HDAC4: variants seen among roughly 807,000 people sequenced by gnomAD.
HDAC4 encodes the protein histone deacetylase A.
In HDAC4, 16 loss-of-function variants were observed where a neutral mutation model predicts 135.1. The observed-to-expected ratio is 0.12, with a 90% CI of 0.08 to 0.18. The LOEUF is 0.18. Among genes scored for constraint, HDAC4 ranks in the 10% least tolerant of loss-of-function variants. The pLI is 1.00. For synonymous variants in HDAC4, 685 were observed against 653.4 expected, an observed-to-expected ratio of 1.05 and a Z score of -0.74; for missense variants, 1,143 against 1,511.8, an observed-to-expected ratio of 0.76 and a Z score of 4.05.
chr2:239,053,011 G>C lies in HDAC4; in HGVS notation c.*86C>G. On this transcript the variant is annotated 3_prime_UTR_variant, in exon 27 of 27. Transcript: ENST00000543185. ...GGTGCTCCAAGAGAGCCCCACGGTG[G>C]GACGCAGGCGTGACACGGGAAAGTT... 1 of 1,512,896 alleles carries C rather than the reference G, an allele frequency of 6.6e-7. No homozygotes were observed. Among genetic ancestry groups the C allele is most frequent in the South Asian group, 1.1e-5 (1 of 89,088 alleles). The allele number at this position is 1,512,896 out of a possible 1,614,324, so 93.7% of individuals were successfully genotyped here.
chr2:239,066,930 T>C (rs1013768025), intron 23 of HDAC4, 75 bp from the exon 24 acceptor site: 7 of 1,551,464 alleles, frequency 4.5e-6, no homozygotes, highest in Non-Finnish European at 6.1e-6. Flanking sequence ...ACGCGTCTCA[T>C]GGCATCGTAA....
intron 16 of HDAC4, among the ~76,000 whole-genome samples, chr2:239,095,497 G>C (rs2036935130): frequency 6.6e-6 from 1 of 152,150 alleles, no homozygotes; most frequent in African/African-American, 2.4e-5. Flanking sequence ...TGGCAAACAA[G>C]GGGCAAGTCC....
At chr2:239,332,764 A>C (rs1050623751) in intron 2 of HDAC4, among the ~76,000 whole-genome samples, 1 of 152,018 alleles carries the variant, frequency 6.6e-6, no homozygotes, top group Admixed American at 6.5e-5. Flanking sequence ...AATTTTAAAA[A>C]ATCAAGAAAA....
At chr2:239,092,988 C>T (rs1287315108) in intron 17 of HDAC4, among the ~76,000 whole-genome samples, 4 of 152,134 alleles carry the variant, frequency 2.6e-5, no homozygotes, top group African/African-American at 7.2e-5. Flanking sequence ...CCCATGGAGT[C>T]TAAAAGGGAC....
At chr2:239,092,709 A>T (rs2036628513) in intron 17 of HDAC4, among the ~76,000 whole-genome samples, 1 of 152,118 alleles carries the variant, frequency 6.6e-6, no homozygotes, top group South Asian at 2.1e-4. Context: ...GCTCCCAGGG[A>T]CCAGCCTGGA....
intron 1 of HDAC4, among the ~76,000 whole-genome samples, chr2:239,370,507 C>CG (rs1559389826): frequency 2.0e-5 from 3 of 152,234 alleles, no homozygotes; most frequent in African/African-American, 7.2e-5. Context: ...CTCCCTGCAG[C>CG]GCCCCCCTGA....
chr2:239,258,567 C>CCA (rs1354406600), intron 2 of HDAC4, among the ~76,000 whole-genome samples: 1 of 152,166 alleles, frequency 6.6e-6, no homozygotes, highest in Non-Finnish European at 1.5e-5. Context: ...AATCCTCTAA[C>CCA]CAGCACGGGC....
intron 1 of HDAC4, among the ~76,000 whole-genome samples, chr2:239,360,652 T>A (rs1693802176): frequency 6.6e-6 from 1 of 152,198 alleles, no homozygotes; most frequent in Non-Finnish European, 1.5e-5. Context: ...GAGCTCCACC[T>A]GGTCCCTTAG....
intron 1 of HDAC4, among the ~76,000 whole-genome samples, chr2:239,357,822 A>G (rs1385230094): frequency 6.8e-6 from 1 of 148,106 alleles, no homozygotes; most frequent in African/African-American, 2.5e-5. Context: ...CCGGGAGGTC[A>G]AGGCTGCAGT....
At chr2:239,345,719 CACCCTAACACACAT>C (rs1164851962) in intron 2 of HDAC4, among the ~76,000 whole-genome samples, 1 of 151,380 alleles carries the variant, frequency 6.6e-6, no homozygotes, top group Non-Finnish European at 1.5e-5. Context: ...CTAACACACA[CACCCTAACACACAT>C]ACACACCGTC....
Position 239,053,007 on chromosome 2 carries a change from G to A in HDAC4, c.*90C>T, listed in dbSNP as rs1285549386. ...CCTGGGTGCTCCAAGAGAGCCCCAC[G>A]GTGGGACGCAGGCGTGACACGGGAA... is the stretch of plus-strand genomic sequence containing the variant. On this transcript the variant is annotated 3_prime_UTR_variant, in exon 27 of 27. Coordinates refer to ENST00000543185, the MANE Select transcript of HDAC4 (RefSeq NM_001378414.1). 3.5e-5 allele frequency: 52 copies of A among 1,491,844 alleles called. No individual in the cohort carries two copies. Among genetic ancestry groups the A allele is most frequent in the Middle Eastern group, 1.7e-4 (1 of 5,856 alleles). 92.4% of individuals were successfully genotyped at this position (1,491,844 alleles called of 1,614,324 possible). A position where few individuals can be genotyped will look rare whatever the true frequency, so the allele number is the denominator to read the frequency against.
At chr2:239,075,851 T>C (rs1396399289) in intron 22 of HDAC4, among the ~76,000 whole-genome samples, 1 of 150,868 alleles carries the variant, frequency 6.6e-6, no homozygotes, top group Non-Finnish European at 1.5e-5. Context: ...CCACTCCCCT[T>C]GGTTTCCCGG....
At position 239,146,794 on chromosome 2, in the gene HDAC4, C is replaced by T. The variant is rs566763841; in HGVS notation, c.734-2080G>A. Among the ~76,000 whole-genome samples, 1 of 152,028 alleles carries T rather than the reference C, an allele frequency of 6.6e-6. No individual in the cohort carries two copies. The highest frequency in any genetic ancestry group is 2.1e-4 in the South Asian group (1 of 4,808). ...CCTGACCCCCCACAGCCCCACTGCCCCCATCACAGCCCCACTGCCCTGTCT... is the reference window on the plus strand; with the variant it reads ...CCTGACCCCCCACAGCCCCACTGCCTCCATCACAGCCCCACTGCCCTGTCT... On this transcript the variant is annotated intron_variant, in intron 7 of 26. Transcript: ENST00000543185. This position sits in a 1 kb window ranked among gnomAD's most constrained non-coding sequence, Gnocchi z 4.5.
rs1281699229 is a variant in HDAC4, at chr2:239,139,271, C to T, written c.978+413G>A. ...AAAAATGTTAAGTCTCACTTAGCAA[C>T]TATACCCACGTGCCCACGGCCTCTC... On this transcript the variant is annotated intron_variant, in intron 9 of 26. Coordinates refer to ENST00000543185, the MANE Select transcript of HDAC4 (RefSeq NM_001378414.1). The surrounding 1 kb of genome is among the most constrained non-coding windows in gnomAD (Gnocchi z 5.3). Among the ~76,000 whole-genome samples, 2 of 152,210 alleles carry T rather than the reference C, an allele frequency of 1.3e-5. No individual in the cohort carries two copies. The highest frequency in any genetic ancestry group is 4.8e-5 in the African/African-American group (2 of 41,454).
At position 239,139,708 on chromosome 2, in the gene HDAC4, G is replaced by T; in HGVS notation, c.954C>A (p.Pro318=). Residue 318 remains proline (P), a synonymous_variant, in exon 9 of 27, where the codon CCC becomes CCA. Coordinates refer to ENST00000543185, the MANE Select transcript of HDAC4 (RefSeq NM_001378414.1). This position sits in a 1 kb window ranked among gnomAD's most constrained non-coding sequence, Gnocchi z 5.3. The part of the protein sequence containing the change: ...GSVSAENGIA[P]AVPSIPAETS... The stretch of plus-strand genomic sequence containing the variant: ...CCTCCGCCGGGATGCTGGGGACGGC[G>T]GGCGCGATACCGTTCTCCGCGCTGA... 1 of 1,614,030 alleles carries T rather than the reference G, an allele frequency of 6.2e-7. No individual in the cohort carries two copies. Among genetic ancestry groups the T allele is most frequent in the Non-Finnish European group, 8.5e-7 (1 of 1,179,942 alleles).
intron 2 of HDAC4, among the ~76,000 whole-genome samples, chr2:239,283,293 T>C (rs1180096492): frequency 6.6e-6 from 1 of 152,206 alleles, no homozygotes; most frequent in African/African-American, 2.4e-5. Flanking sequence ...AAACTCTGCA[T>C]GACGCTGGGT....
chr2:239,268,477 TTCTC>T (rs1317417092), intron 2 of HDAC4, among the ~76,000 whole-genome samples: 1 of 152,240 alleles, frequency 6.6e-6, no homozygotes, highest in African/African-American at 2.4e-5. Flanking sequence ...GTAAACAAAT[TTCTC>T]TCTGAGTTCT....
intron 24 of HDAC4, among the ~76,000 whole-genome samples, chr2:239,061,251 TTCA>T (rs2032671556): frequency 6.6e-6 from 1 of 151,542 alleles, no homozygotes; most frequent in Non-Finnish European, 1.5e-5. Context: ...GTGTGGTGCA[TTCA>T]TGAGTATGCA....
At chr2:239,125,248 C>T (rs1679626312) in intron 12 of HDAC4, among the ~76,000 whole-genome samples, 1 of 152,240 alleles carries the variant, frequency 6.6e-6, no homozygotes, top group African/African-American at 2.4e-5. Context: ...TCTGTTGGTG[C>T]TGTCCTCACT....
Sources: gnomAD v4.1 joint callset for allele counts (sites outside exome capture counted in the v4.1 genomes callset) on GRCh38, gnomAD v4.1.1 for gene constraint, Gnocchi (gnomAD v3.1) non-coding constraint, MANE v1.5 for transcripts, NCBI Gene and HGNC (gene_info 2026-07-23, HGNC 2026-07-21) for gene names.